ADIPOR1: variants seen among roughly 807,000 people sequenced by gnomAD.
ADIPOR1 encodes the protein adiponectin receptor protein 1.
A neutral mutation model predicts 37.5 loss-of-function variants in ADIPOR1; 15 were observed. That is an observed-to-expected ratio of 0.40 (90% CI 0.27 to 0.62). The LOEUF (loss-of-function observed/expected upper bound fraction) is 0.62. Ranked by LOEUF, ADIPOR1 falls within the 20% of genes least tolerant of loss-of-function variation. The pLI is 0.42. For synonymous variants in ADIPOR1, 173 were observed against 173.2 expected, an observed-to-expected ratio of 1.00 and a Z score of 0.01; for missense variants, 286 against 478.0, an observed-to-expected ratio of 0.60 and a Z score of 3.75.
intron 6 of ADIPOR1, among the ~76,000 whole-genome samples, 177 bp from the exon 7 acceptor site, chr1:202,942,395 C>T (rs1248562896): frequency 1.3e-5 from 2 of 152,178 alleles, no homozygotes; most frequent in African/African-American, 4.8e-5. Flanking sequence ...TCTTCTATGT[C>T]CTGAATGGGA....
rs1309829874 is a variant in ADIPOR1, at chr1:202,940,865, A to G, written c.*708T>C. ...CCAAGTGTCTTCTGTACTTTCTTTT[A>G]TTAACATCATAGTCTTTGCATCAAG... On this transcript the variant is annotated 3_prime_UTR_variant, in exon 8 of 8. Coordinates refer to ENST00000340990, the MANE Select transcript of ADIPOR1 (RefSeq NM_015999.6). 1 of 152,628 alleles carries G rather than the reference A, an allele frequency of 6.6e-6. No homozygotes were observed. Among genetic ancestry groups the G allele is most frequent in the Non-Finnish European group, 1.5e-5 (1 of 68,032 alleles). The allele number at this position is 152,628 out of a possible 1,614,324, so 9.5% of individuals were successfully genotyped here.
At chr1:202,949,638 TTCTC>T (rs1032722908) in intron 2 of ADIPOR1, among the ~76,000 whole-genome samples, 2 of 150,834 alleles carry the variant, frequency 1.3e-5, no homozygotes, top group African/African-American at 2.4e-5. Flanking sequence ...GGAGAGAACT[TTCTC>T]TCTCTCTATC....
At chr1:202,947,658 T>G (rs1381533625) in intron 3 of ADIPOR1, among the ~76,000 whole-genome samples, 1 of 152,144 alleles carries the variant, frequency 6.6e-6, no homozygotes, top group Non-Finnish European at 1.5e-5. Flanking sequence ...CTCCAGGAGA[T>G]TCTATCTCAT....
intron 1 of ADIPOR1, among the ~76,000 whole-genome samples, chr1:202,951,435 A>G (rs977507393): frequency 6.6e-6 from 1 of 152,212 alleles, no homozygotes; most frequent in Non-Finnish European, 1.5e-5. Flanking sequence ...AACTGTCACC[A>G]TAGAAAAACA....
chr1:202,949,593 A>AACAAAAAAAAC (rs1553243416), intron 2 of ADIPOR1, among the ~76,000 whole-genome samples: 2 of 138,334 alleles, frequency 1.4e-5, no homozygotes, highest in East Asian at 4.8e-4. Context: ...AAAAAAAAAA[A>AACAAAAAAAAC]AAAACACACC....
chr1:202,942,276 C>A, intron 6 of ADIPOR1, 58 bp from the exon 7 acceptor site: 2 of 1,485,102 alleles, frequency 1.3e-6, no homozygotes. Context: ...ATGGAAGGCA[C>A]TGCTGTCTTA....
rs758915659 is a variant in ADIPOR1 at position 202,941,524 on chromosome 1, T to C, written c.*49A>G. 2.6e-6 allele frequency: 4 copies of C among 1,568,214 alleles called. No individual in the cohort carries two copies. In the East Asian group the frequency reaches 9.1e-5, roughly 36 times the overall value. On this transcript the variant is annotated 3_prime_UTR_variant, in exon 8 of 8. Transcript: ENST00000340990. ...CCTCTCACTTCAGCAAAGAAGTTAT[T>C]TTTAAAAGCACTTGGGAAGTTCCTC...
intron 3 of ADIPOR1, among the ~76,000 whole-genome samples, chr1:202,947,330 T>C (rs1479067103): frequency 3.3e-5 from 5 of 151,918 alleles, no homozygotes; most frequent in African/African-American, 1.2e-4. Flanking sequence ...GAGACTAGCC[T>C]GACCAACATG....
chr1:202,942,868 TTTC>T (rs200903152), intron 6 of ADIPOR1, among the ~76,000 whole-genome samples: 74 of 106,184 alleles, frequency 7.0e-4, no homozygotes, highest in Middle Eastern at 4.3e-3. Context: ...TCTTTCTTTC[TTTC>T]TTTTTTTTTT....
intron 1 of ADIPOR1, chr1:202,954,453 C>T (rs1654701067): frequency 6.6e-6 from 1 of 152,164 alleles, no homozygotes; most frequent in Non-Finnish European, 1.5e-5. Flanking sequence ...GTGTTTTAGT[C>T]TATGGTGTAA....
At chr1:202,942,263 C>G (rs375872003) in intron 6 of ADIPOR1, 45 bp from the exon 7 acceptor site, 2 of 1,532,658 alleles carry the variant, frequency 1.3e-6, no homozygotes, top group Non-Finnish European at 1.8e-6. Flanking sequence ...AAACAGCCAC[C>G]GCATGGAAGG....
In ADIPOR1 at chr1:202,950,922, T is replaced by C; in HGVS notation, c.141+8A>G. The C allele has an allele frequency of 1.9e-6, 3 of 1,614,166 alleles. No homozygotes were observed. Among genetic ancestry groups the C allele is most frequent in the Non-Finnish European group, 1.7e-6 (2 of 1,180,020 alleles). On this transcript the variant is annotated splice_region_variant and intron_variant, in intron 2 of 7. Transcript: ENST00000340990. ...AACAAGGGGATGACTCCTGGGAAGA[T>C]GACTTACTTTGGGTGGGTTGGCGAT...
At chr1:202,954,228 T>A (rs1236118512) in intron 1 of ADIPOR1, 1 of 152,172 alleles carries the variant, frequency 6.6e-6, no homozygotes. Context: ...TCATCATGCA[T>A]TAAAGTACAT....
intron 1 of ADIPOR1, among the ~76,000 whole-genome samples, chr1:202,953,223 A>T (rs1654646324): frequency 7.5e-6 from 1 of 132,966 alleles, no homozygotes; most frequent in Non-Finnish European, 1.6e-5. Context: ...ACTAAAAAAT[A>T]CTTTATATCG....
rs189303897 is a variant in ADIPOR1, at chr1:202,944,805, T to C, written c.617+178A>G. 998 of 545,254 alleles carry C rather than the reference T, an allele frequency of 1.8e-3. 4 individuals are homozygous for C. Among genetic ancestry groups the C allele is most frequent in the African/African-American group, 0.017 (892 of 54,054 alleles). 33.8% of individuals were successfully genotyped at this position (545,254 alleles called of 1,614,324 possible). ...GAAGAGGATGCAGTAAGTCTGTTCA[T>C]GAAGTGTTTAAGAGAAAAGCTTCAT... On this transcript the variant is annotated intron_variant, in intron 5 of 7. Coordinates refer to ENST00000340990, the MANE Select transcript of ADIPOR1 (RefSeq NM_015999.6).
chr1:202,957,138 C>T (rs1243492375), intron 1 of ADIPOR1, among the ~76,000 whole-genome samples: 1 of 152,192 alleles, frequency 6.6e-6, no homozygotes, highest in Non-Finnish European at 1.5e-5. Context: ...AAATTCCTGG[C>T]AGTATACAGA....
intron 3 of ADIPOR1, among the ~76,000 whole-genome samples, chr1:202,947,099 G>A (rs1444033240): frequency 3.3e-5 from 5 of 151,886 alleles, no homozygotes; most frequent in African/African-American, 4.8e-5. Context: ...CTGGGCGACC[G>A]AGCAAGACTC....
At chr1:202,958,319 T>A (rs1323009404), upstream of ADIPOR1, 1 of 152,224 alleles carries the variant, frequency 6.6e-6, no homozygotes, top group African/African-American at 2.4e-5. Context: ...ACCTCCCGCG[T>A]CACCTCCGCA....
At chr1:202,945,336 T>C (rs1654265680) in intron 4 of ADIPOR1, among the ~76,000 whole-genome samples, 167 bp from the exon 5 acceptor site, 1 of 152,174 alleles carries the variant, frequency 6.6e-6, no homozygotes, top group Admixed American at 6.5e-5. Flanking sequence ...GAAAGGCCAT[T>C]ATTAAAAAGT....
Sources: allele counts gnomAD v4.1 joint callset (sites outside exome capture counted in the v4.1 genomes callset), GRCh38; gene constraint gnomAD v4.1.1; transcripts MANE v1.5; gene names NCBI Gene and HGNC (gene_info 2026-07-23, HGNC 2026-07-21).